Variants in TTN observed in about 807,000 individuals in gnomAD.
The protein encoded by TTN is titin.
Under a neutral mutation model 3,223.0 loss-of-function variants are expected in TTN, and 1,525 were observed. The ratio of observed to expected loss-of-function variants is 0.47; its 90% CI spans 0.45 to 0.49. The LOEUF (loss-of-function observed/expected upper bound fraction) is 0.49. Ranked by LOEUF, TTN falls within the 20% of genes least tolerant of loss-of-function variation. The pLI is 0.00. For missense variants in TTN, 40,786 were observed against 43,424.0 expected (o/e 0.94, Z 5.40); for synonymous variants, 14,094 against 15,161.0 (o/e 0.93, Z 5.17).
At position 178,767,897 on chromosome 2, in the gene TTN, G is replaced by A. The variant is rs760031117; in HGVS notation, c.9333C>T (p.Val3111=). The change falls in exon 40 of 363, where the codon GTC becomes GTT. Residue 3111 remains valine (V), a synonymous_variant. Coordinates refer to ENST00000589042, the MANE Select transcript of TTN (RefSeq NM_001267550.2). ...DRIKIQKEKY[V]HRLLIPSTRM... ...GGGTGGATGGGATCAGAAGGCGGTG[G>A]ACATATTTCTCCTTCTGAATCTTTA... The A allele has an allele frequency of 1.9e-6, 3 of 1,614,056 alleles. No individual in the cohort carries two copies. The East Asian group carries it at 6.7e-5, about 36-fold the overall frequency.
chr2:178,742,842 C>A (rs185846447), intron 47 of TTN: 29 of 152,178 alleles, frequency 1.9e-4, no homozygotes, highest in African/African-American at 7.0e-4. Flanking sequence ...ACTTGCATCA[C>A]ATGAAATAGA....
intron 236 of TTN, among the ~76,000 whole-genome samples, chr2:178,631,644 A>G (rs1261670194): frequency 3.3e-5 from 5 of 152,052 alleles, no homozygotes; most frequent in Admixed American, 6.6e-5. Context: ...TTTACTTTTA[A>G]GCTTTCAGGT....
chr2:178,761,883 T>C (rs1204147118), intron 43 of TTN, among the ~76,000 whole-genome samples: 1 of 152,208 alleles, frequency 6.6e-6, no homozygotes, highest in Non-Finnish European at 1.5e-5. Context: ...TCTGTAAGCC[T>C]CCAAATGACA....
intron 259 of TTN, 74 bp from the exon 260 acceptor site, chr2:178,615,042 C>CA (rs1369547154): frequency 5.3e-6 from 7 of 1,310,528 alleles, no homozygotes; most frequent in African/African-American, 3.0e-5. Flanking sequence ...CATAATCTTT[C>CA]AAAAATTCAA....
Position 178,740,189 on chromosome 2 carries a change from G to A in TTN, c.13044C>T (p.Asn4348=), listed in dbSNP as rs879161892. 9.9e-6 allele frequency: 16 copies of A among 1,613,294 alleles called. No individual in the cohort carries two copies. Among genetic ancestry groups the A allele is most frequent in the Middle Eastern group, 1.6e-4 (1 of 6,076 alleles). ...TGATTTGGTCTGGGGGCATCACCAC[G>A]TTGTCAGAATGCTCTTCTTTGAGCA... ...QVLLKEEHSD[N]VVMPPDQIIE... Residue 4348 remains asparagine, a synonymous_variant, in exon 48 of 363, where the codon AAC becomes AAT. Transcript: ENST00000589042.
At chr2:178,773,772 T>C (rs2091868667) in intron 31 of TTN, 47 bp from the exon 32 acceptor site, 1 of 1,614,088 alleles carries the variant, frequency 6.2e-7, no homozygotes, top group African/African-American at 1.3e-5. Flanking sequence ...GTTGAAATTG[T>C]CTGCTCCTTG....
rs2154311375 is a variant in TTN at position 178,733,459 on chromosome 2, G to A, written c.15834C>T (p.Ala5278=). The A allele has an allele frequency of 6.2e-7, 1 of 1,613,786 alleles. No individual in the cohort carries two copies. The highest frequency in any genetic ancestry group is 8.5e-7 in the Non-Finnish European group (1 of 1,179,758). The change falls in exon 54 of 363, where the codon GCC becomes GCT. Residue 5278 remains alanine (A), a synonymous_variant. Coordinates refer to ENST00000589042, the MANE Select transcript of TTN (RefSeq NM_001267550.2). ...ELIQVTAGDP[A]TLEYTVAGTP... Reference sequence around the variant, plus strand: ...TGCCTGCCACTGTGTACTCCAGTGTGGCGGGATCTCCTGCTGTCACCTGGA... The same window carrying A: ...TGCCTGCCACTGTGTACTCCAGTGTAGCGGGATCTCCTGCTGTCACCTGGA...
rs1690534459 is a variant in TTN, at chr2:178,534,430, A to C, written c.102185T>G (p.Met34062Arg). The change falls in exon 358 of 363, where the codon ATG (methionine) becomes AGG (arginine). Residue 34062 changes from methionine to arginine, a missense_variant. Coordinates refer to ENST00000589042, the MANE Select transcript of TTN (RefSeq NM_001267550.2). ...GTGCTGGAGAGCCTCCGATGCTGTC[A>C]TGCGAGATTTCCTCTCTTTCACTAA... ...RLLVKERKSR[M>R]TASEALQHPW... The C allele has an allele frequency of 3.7e-6, 6 of 1,612,522 alleles. No homozygotes were observed. The East Asian group carries it at 1.3e-4, about 36-fold the overall frequency.
rs760072345 is a variant in TTN, at chr2:178,731,158, T to C, written c.17507A>G (p.Gln5836Arg). The change falls in exon 60 of 363, where the codon CAA becomes CGA. Residue 5836 changes from glutamine to arginine, a missense_variant. By Grantham distance (43) the Gln-to-Arg change is conservative (BLOSUM62 1). Transcript: ENST00000589042. ...TEEAVSIDVTQGDPATLQVKF... is the reference protein window; with the variant it reads ...TEEAVSIDVTRGDPATLQVKF... ...AACCTGCAAAGTGGCTGGGTCTCCT[T>C]GGGTGACATCTATAGACACAGCTTC... 2 of 1,613,688 alleles carry C rather than the reference T, an allele frequency of 1.2e-6. No homozygotes were observed. The highest frequency in any genetic ancestry group is 1.7e-6 in the Non-Finnish European group (2 of 1,179,702).
chr2:178,696,293 A>G, intron 113 of TTN, 24 bp from the exon 114 acceptor site: 1 of 1,483,500 alleles, frequency 6.7e-7, no homozygotes, highest in Non-Finnish European at 8.9e-7. Context: ...AGATACTATT[A>G]GCATATTAAT....
intron 310 of TTN, 42 bp downstream of exon 310, chr2:178,584,627 C>G (rs745877041): frequency 6.8e-6 from 11 of 1,610,244 alleles, no homozygotes; most frequent in Non-Finnish European, 8.5e-6. Flanking sequence ...AAGTAACAAA[C>G]TAGAAAGAAA....
Position 178,531,554 on chromosome 2 carries a change from C to T in TTN, c.105061G>A (p.Gly35021Ser), listed in dbSNP as rs1454215134. ...TYRAVCTNYKGEASDYATLDV... is the reference protein window; with the variant it reads ...TYRAVCTNYKSEASDYATLDV... ...AACGTTGCATAGTCAGAAGCTTCGC[C>T]CTTGTAGTTGGTGCACACAGCACGG... Residue 35021 changes from glycine (G) to serine (S), a missense_variant, in exon 358 of 363, where the codon GGC becomes AGC. Gly to Ser is a moderately conservative substitution (Grantham distance 56). Coordinates refer to ENST00000589042, the MANE Select transcript of TTN (RefSeq NM_001267550.2). The T allele has an allele frequency of 6.2e-7, 1 of 1,613,920 alleles. No individual in the cohort carries two copies. Among genetic ancestry groups the T allele is most frequent in the Admixed American group, 1.7e-5 (1 of 60,016 alleles).
At chr2:178,800,706 C>A (rs1296201757) in intron 3 of TTN, 24 bp from the exon 4 acceptor site, 11 of 1,595,360 alleles carry the variant, frequency 6.9e-6, no homozygotes, top group South Asian at 1.1e-5. Flanking sequence ...AGAACAAAGT[C>A]AAGAGTGAGA....
In TTN at chr2:178,565,390, G is replaced by A. The variant is rs776185115; in HGVS notation, c.80742C>T (p.Val26914=). 1 of 1,613,486 alleles carries A rather than the reference G, an allele frequency of 6.2e-7. No homozygotes were observed. Among genetic ancestry groups the A allele is most frequent in the Non-Finnish European group, 8.5e-7 (1 of 1,179,634 alleles). The change falls in exon 326 of 363, where the codon GTC becomes GTT. Residue 26914 remains valine (V), a synonymous_variant. Coordinates refer to ENST00000589042, the MANE Select transcript of TTN (RefSeq NM_001267550.2). ...TCTGTTTAAGAGGCTCACCATCTTT[G>A]ACCCAAGAAATGTTAGGTCTTGGTC... ...IGRPRPNISW[V]KDGEPLKQTT... is the part of the protein sequence containing the mutation.
rs1688712424 is a variant in TTN, at chr2:178,530,664, G to T, written c.105951C>A (p.Val35317=). The T allele has an allele frequency of 1.2e-6, 2 of 1,613,944 alleles. No individual in the cohort carries two copies. The highest frequency in any genetic ancestry group is 1.1e-5 in the South Asian group (1 of 91,070). The change falls in exon 358 of 363, where the codon GTC becomes GTA. Residue 35317 remains valine, a synonymous_variant. Coordinates refer to ENST00000589042, the MANE Select transcript of TTN (RefSeq NM_001267550.2). The part of the protein sequence containing the change: ...VESSVLRAKE[V]TWYKDGKKLK... Reference sequence around the variant, plus strand: ...GTTTCTTGCCATCTTTATACCAGGTGACCTCTTTTGCCCTTAATACACTGC... The same window carrying T: ...GTTTCTTGCCATCTTTATACCAGGTTACCTCTTTTGCCCTTAATACACTGC...
chr2:178,604,324 G>A lies in TTN; in HGVS notation c.54382-19C>T, dbSNP rs927494057. ...TCCAGATCTAGAAATTAGAAAAACA[G>A]AAATTTATTGAAGAGAATATACTTA... On this transcript the variant is annotated intron_variant, in intron 281 of 362. Coordinates refer to ENST00000589042, the MANE Select transcript of TTN (RefSeq NM_001267550.2). 2 of 1,426,140 alleles carry A rather than the reference G, an allele frequency of 1.4e-6. No homozygotes were observed. The highest frequency in any genetic ancestry group is 1.8e-6 in the Non-Finnish European group (2 of 1,086,432). 88.3% of individuals were successfully genotyped at this position (1,426,140 alleles called of 1,614,324 possible). A position where few individuals can be genotyped will look rare whatever the true frequency, so the allele number is the denominator to read the frequency against.
chr2:178,732,614 A>G lies in TTN; in HGVS notation c.16447T>C (p.Trp5483Arg), dbSNP rs72648938. 2 of 1,613,502 alleles carry G rather than the reference A, an allele frequency of 1.2e-6. No homozygotes were observed. The highest frequency in any genetic ancestry group is 1.7e-6 in the Non-Finnish European group (2 of 1,179,704). ...ACCAGCTCTTTGTTGCCCTTAAACCATCTGATTGTGAGAGGAGTAGATCCT... is the reference window on the plus strand; with the variant it reads ...ACCAGCTCTTTGTTGCCCTTAAACCGTCTGATTGTGAGAGGAGTAGATCCT... ...FQGSTPLTIRWFKGNKELVSG... is the reference protein window; with the variant it reads ...FQGSTPLTIRRFKGNKELVSG... The change falls in exon 56 of 363, where the codon TGG becomes CGG. Residue 5483 changes from tryptophan to arginine, a missense_variant. Trp to Arg is a moderately radical substitution (Grantham distance 101, BLOSUM62 -3). Coordinates refer to ENST00000589042, the MANE Select transcript of TTN (RefSeq NM_001267550.2).
chr2:178,642,281 G>A lies in TTN; in HGVS notation c.40514C>T (p.Pro13505Leu), dbSNP rs371714559. 9.4e-6 allele frequency: 15 copies of A among 1,595,330 alleles called. No homozygotes were observed. The highest frequency in any genetic ancestry group is 2.7e-5 in the African/African-American group (2 of 74,460). Residue 13505 changes from proline (P) to leucine (L), a missense_variant, in exon 219 of 363, where the codon CCG becomes CTG. Transcript: ENST00000589042. ...GGEKKVRKLL[P>L]ERKPEPKEEV... Reference sequence around the variant, plus strand: ...TTCCTTTGGTTCAGGTTTACGTTCCGGAAGTAATTTGCGAACTTTCTTTTC... The same window carrying A: ...TTCCTTTGGTTCAGGTTTACGTTCCAGAAGTAATTTGCGAACTTTCTTTTC...
chr2:178,774,615 G>T, intron 29 of TTN, 142 bp from the exon 30 acceptor site: 1 of 770,914 alleles, frequency 1.3e-6, no homozygotes, highest in Non-Finnish European at 2.0e-6. Flanking sequence ...GATGGGCTGA[G>T]AGATAAATTT....
Sources: allele counts gnomAD v4.1 joint callset (sites outside exome capture counted in the v4.1 genomes callset), GRCh38; gene constraint gnomAD v4.1.1; transcripts MANE v1.5; gene names NCBI Gene and HGNC (gene_info 2026-07-23, HGNC 2026-07-21).